Variants in NBDY observed in about 807,000 individuals in gnomAD.
NBDY encodes negative regulator of P-body association.
chrX:56,756,848 C>A (rs1927220), intron 2 of NBDY, among the ~76,000 whole-genome samples: 58,843 of 109,010 alleles, frequency 0.54, 14,238 homozygotes, highest in Non-Finnish European at 0.74. Flanking sequence ...CCCAGTGAAT[C>A]TGGAGGCTGA....
chrX:56,808,512 T>C (rs1017961324), intron 2 of NBDY, among the ~76,000 whole-genome samples: 48 of 112,455 alleles, frequency 4.3e-4, no homozygotes, highest in Non-Finnish European at 1.9e-4. Flanking sequence ...CAGGAACTTA[T>C]CCATTTCTTC....
intron 2 of NBDY, among the ~76,000 whole-genome samples, chrX:56,762,259 T>C (rs1357814945): frequency 9.0e-6 from 1 of 110,981 alleles, no homozygotes; most frequent in Non-Finnish European, 1.9e-5. Context: ...CTTCCTCCTC[T>C]TCCTCTTTCT....
intron 2 of NBDY, among the ~76,000 whole-genome samples, chrX:56,766,001 C>T (rs1464955302): frequency 9.0e-6 from 1 of 111,603 alleles, no homozygotes; most frequent in Non-Finnish European, 1.9e-5. Flanking sequence ...CTTTAAGGAG[C>T]ACAGATGAAG....
intron 2 of NBDY, among the ~76,000 whole-genome samples, chrX:56,816,073 C>A (rs1045225169): frequency 9.0e-6 from 1 of 111,136 alleles, no homozygotes; most frequent in Admixed American, 9.6e-5. Flanking sequence ...AACTTAAAGA[C>A]TATTTATATA....
At chrX:56,731,193 A>G (rs1383791580) in intron 1 of NBDY, among the ~76,000 whole-genome samples, 2 of 110,675 alleles carry the variant, frequency 1.8e-5, no homozygotes, top group Non-Finnish European at 3.8e-5. Context: ...TACTTCTCAC[A>G]TGTTTACCTC....
chrX:56,743,260 T>G (rs1170109606), intron 2 of NBDY, among the ~76,000 whole-genome samples: 2 of 111,362 alleles, frequency 1.8e-5, no homozygotes, highest in African/African-American at 6.5e-5. Context: ...GATATTGGCC[T>G]GTTTTTTTTT....
At chrX:56,784,671 G>T (rs992026923) in intron 2 of NBDY, among the ~76,000 whole-genome samples, 2 of 111,466 alleles carry the variant, frequency 1.8e-5, no homozygotes, top group Non-Finnish European at 3.8e-5. Flanking sequence ...GGGTGGGATG[G>T]TGGTAGGGCA....
At chrX:56,801,419 C>T (rs767695633) in intron 2 of NBDY, among the ~76,000 whole-genome samples, 8 of 108,964 alleles carry the variant, frequency 7.3e-5, no homozygotes, top group Non-Finnish European at 1.1e-4. Flanking sequence ...TGGCTCTTGG[C>T]GGGTCAAGCA....
chrX:56,814,886 G>A (rs781580153), intron 2 of NBDY, among the ~76,000 whole-genome samples: 8 of 109,948 alleles, frequency 7.3e-5, no homozygotes, highest in Non-Finnish European at 1.1e-4. Context: ...GTGATAGTAA[G>A]AAATGTCATA....
chrX:56,731,519 C>T (rs989236675), intron 1 of NBDY, among the ~76,000 whole-genome samples: 4 of 109,330 alleles, frequency 3.7e-5, no homozygotes, highest in Non-Finnish European at 5.7e-5. Flanking sequence ...TGCAGTGAGC[C>T]GAGATCATGC....
chrX:56,759,476 TTTTC>T (rs1170842352), intron 2 of NBDY, among the ~76,000 whole-genome samples: 1 of 111,578 alleles, frequency 9.0e-6, no homozygotes, highest in Non-Finnish European at 1.9e-5. Flanking sequence ...CTAGTGGCTG[TTTTC>T]TTTTTCTCCC....
intron 2 of NBDY, among the ~76,000 whole-genome samples, chrX:56,735,952 A>T (rs1442339743): frequency 9.0e-6 from 1 of 111,175 alleles, no homozygotes; most frequent in East Asian, 2.8e-4. Flanking sequence ...TAGCAAAAAA[A>T]AAAAAAAAAA....
At chrX:56,812,624 G>A (rs1052851635) in intron 2 of NBDY, among the ~76,000 whole-genome samples, 1 of 110,869 alleles carries the variant, frequency 9.0e-6, no homozygotes, top group Admixed American at 9.6e-5. Flanking sequence ...CACTCAGAAA[G>A]GACCCCATCA....
intron 2 of NBDY, among the ~76,000 whole-genome samples, chrX:56,781,939 G>C (rs768980806): frequency 2.7e-5 from 3 of 111,331 alleles, no homozygotes; most frequent in Non-Finnish European, 5.7e-5. Context: ...TGGGCTTGGT[G>C]GCCCCTTGCA....
At position 56,729,303 on chromosome X, in the gene NBDY, G is replaced by C; in HGVS notation, c.-51G>C. The stretch of plus-strand genomic sequence containing the variant: ...ACTCGCCGCCATCTCAGGTCTCTTG[G>C]CTTTGCCAGGGCCCACCGGAGAAAA... On this transcript the variant is annotated 5_prime_UTR_variant, in exon 1 of 3. Coordinates refer to ENST00000374922, the MANE Select transcript of NBDY (RefSeq NM_001348129.2). The C allele has an allele frequency of 3.4e-6, 1 of 296,490 alleles. No homozygotes were observed. The highest frequency in any genetic ancestry group is 6.1e-5 in the Admixed American group (1 of 16,389). The allele number at this position is 296,490 out of a possible 1,213,427, so 24.4% of individuals were successfully genotyped here. A position where few individuals can be genotyped will look rare whatever the true frequency, so the allele number is the denominator to read the frequency against.
intron 2 of NBDY, among the ~76,000 whole-genome samples, chrX:56,781,974 A>G (rs891405101): frequency 9.0e-6 from 1 of 111,462 alleles, no homozygotes; most frequent in African/African-American, 3.3e-5. Flanking sequence ...TCCTCAGGGT[A>G]AGGTTCAGCC....
chrX:56,751,836 G>A (rs2069587490), intron 2 of NBDY, among the ~76,000 whole-genome samples: 1 of 112,325 alleles, frequency 8.9e-6, no homozygotes, highest in Non-Finnish European at 1.9e-5. Context: ...TTACATGGAT[G>A]TATTGCACTG....
At chrX:56,783,036 A>G (rs2069704337) in intron 2 of NBDY, among the ~76,000 whole-genome samples, 1 of 112,917 alleles carries the variant, frequency 8.9e-6, no homozygotes, top group Non-Finnish European at 1.9e-5. Flanking sequence ...TGCGGGTTTA[A>G]GCATTATCGT....
intron 2 of NBDY, among the ~76,000 whole-genome samples, chrX:56,753,315 A>G (rs1201528155): frequency 8.9e-6 from 1 of 112,529 alleles, no homozygotes; most frequent in Non-Finnish European, 1.9e-5. Context: ...TGGAAGATAT[A>G]GGGCTTGAAT....
Sources: allele counts gnomAD v4.1 joint callset (sites outside exome capture counted in the v4.1 genomes callset), GRCh38; gene constraint gnomAD v4.1.1; transcripts MANE v1.5; gene names NCBI Gene and HGNC (gene_info 2026-07-23, HGNC 2026-07-21).